TTC27: variants seen among roughly 807,000 people sequenced by gnomAD.
TTC27 encodes tetratricopeptide repeat protein 27.
Under a neutral mutation model 115.9 loss-of-function variants are expected in TTC27, and 79 were observed. The observed-to-expected ratio is 0.68, with a 90% CI of 0.57 to 0.82. TTC27 has a LOEUF of 0.82. Ranked by LOEUF, TTC27 falls within the 40% of genes least tolerant of loss-of-function variation. TTC27 has a pLI of 0.00. For missense variants in TTC27, 1,054 were observed against 993.1 expected, an observed-to-expected ratio of 1.06 and a Z score of -0.82; for synonymous variants, 401 against 356.0, an observed-to-expected ratio of 1.13 and a Z score of -1.42.
intron 9 of TTC27, among the ~76,000 whole-genome samples, chr2:32,684,121 G>A (rs1194715348): frequency 7.9e-5 from 12 of 152,152 alleles, no homozygotes; most frequent in Admixed American, 7.9e-4. Flanking sequence ...TCACGCCACT[G>A]CACCCCAGGC....
At chr2:32,667,342 C>A (rs182616062) in intron 7 of TTC27, among the ~76,000 whole-genome samples, 66 of 151,664 alleles carry the variant, frequency 4.4e-4, no homozygotes, top group Non-Finnish European at 8.8e-4. Context: ...TAATTATAGT[C>A]CACTCCAGCT....
chr2:32,684,891 GA>G (rs890766101), intron 9 of TTC27, among the ~76,000 whole-genome samples: 71 of 91,262 alleles, frequency 7.8e-4, no homozygotes, highest in African/African-American at 2.9e-3. Flanking sequence ...CTGGTGAAAA[GA>G]AAACATAAAC....
At chr2:32,728,515 A>T (rs1440340037) in intron 10 of TTC27, among the ~76,000 whole-genome samples, 2 of 152,288 alleles carry the variant, frequency 1.3e-5, no homozygotes, top group East Asian at 3.9e-4. Context: ...CCTGTCTCCC[A>T]TATTTTTGGA....
At chr2:32,720,663 A>T (rs1327571083) in intron 10 of TTC27, among the ~76,000 whole-genome samples, 3 of 152,230 alleles carry the variant, frequency 2.0e-5, no homozygotes, top group Non-Finnish European at 4.4e-5. Flanking sequence ...CCTAAAAAAT[A>T]GTGAATTAAT....
chr2:32,793,931 T>G (rs1300121301), intron 16 of TTC27, among the ~76,000 whole-genome samples: 1 of 152,192 alleles, frequency 6.6e-6, no homozygotes, highest in African/African-American at 2.4e-5. Flanking sequence ...TGTAACTTTG[T>G]TTTGTAGCTC....
intron 15 of TTC27, among the ~76,000 whole-genome samples, chr2:32,783,508 T>A (rs146109366): frequency 1.3e-5 from 2 of 152,384 alleles, no homozygotes; most frequent in African/African-American, 4.8e-5. Context: ...CTGCATCTTC[T>A]GATTATTTGA....
At chr2:32,756,978 T>C (rs953528708) in intron 12 of TTC27, among the ~76,000 whole-genome samples, 4 of 152,160 alleles carry the variant, frequency 2.6e-5, no homozygotes, top group Non-Finnish European at 4.4e-5. Context: ...TGTGGACATA[T>C]GAGAATAATG....
At chr2:32,780,829 C>A (rs2148015598) in intron 14 of TTC27, among the ~76,000 whole-genome samples, 1 of 145,560 alleles carries the variant, frequency 6.9e-6, no homozygotes, top group South Asian at 2.2e-4. Flanking sequence ...TTGCTGAGCT[C>A]ATTTATTACT....
rs952815360 is a variant in TTC27 at position 32,789,827 on chromosome 2, G to C, written c.1998+2678G>C. Among the ~76,000 whole-genome samples the C allele has an allele frequency of 2.0e-5, 3 of 150,524 alleles. No individual in the cohort carries two copies. The East Asian group carries it at 5.9e-4, about 29-fold the overall frequency. ...TGTGGCTACTCGGGAGGCTGAGGTG[G>C]GAGGGTTCCCTGAGGCTGGAGAGGT... is the stretch of plus-strand genomic sequence containing the variant. On this transcript the variant is annotated intron_variant, in intron 16 of 19. Transcript: ENST00000317907.
intron 3 of TTC27, among the ~76,000 whole-genome samples, chr2:32,636,581 A>C (rs1664437970): frequency 6.6e-6 from 1 of 152,194 alleles, no homozygotes; most frequent in Admixed American, 6.5e-5. Flanking sequence ...AAAAGACTGA[A>C]GCTCAGAGTG....
At chr2:32,768,882 T>C (rs1005813744) in intron 13 of TTC27, among the ~76,000 whole-genome samples, 3 of 152,194 alleles carry the variant, frequency 2.0e-5, no homozygotes, top group East Asian at 1.9e-4. Flanking sequence ...AATGTCTCTA[T>C]TGATAGCCAT....
At chr2:32,753,085 G>A (rs1246019928) in intron 12 of TTC27, among the ~76,000 whole-genome samples, 2 of 152,094 alleles carry the variant, frequency 1.3e-5, no homozygotes, top group East Asian at 3.9e-4. Context: ...GCTGGGTCTC[G>A]GACACTTGGG....
chr2:32,628,187 G>T lies in TTC27; in HGVS notation c.-106G>T, dbSNP rs2063523749. 9.8e-7 allele frequency: 1 copy of T among 1,024,388 alleles called. No homozygotes were observed. Among genetic ancestry groups the T allele is most frequent in the Non-Finnish European group, 1.5e-6 (1 of 679,580 alleles). The allele number at this position is 1,024,388 out of a possible 1,614,324, so 63.5% of individuals were successfully genotyped here. A position where few individuals can be genotyped will look rare whatever the true frequency, so the allele number is the denominator to read the frequency against. On this transcript the variant is annotated 5_prime_UTR_variant, in exon 1 of 20. Transcript: ENST00000317907. ...CGCAGGTGTATTTACGGTAACTGTCGCCACTAGATTTCAGCGCCTTTGGAC... is the reference window on the plus strand; with the variant it reads ...CGCAGGTGTATTTACGGTAACTGTCTCCACTAGATTTCAGCGCCTTTGGAC...
chr2:32,773,007 C>G (rs1669880420), intron 13 of TTC27, among the ~76,000 whole-genome samples: 2 of 152,160 alleles, frequency 1.3e-5, no homozygotes, highest in South Asian at 4.1e-4. Context: ...CTCTATCACA[C>G]TCTAGGGGAC....
intron 9 of TTC27, among the ~76,000 whole-genome samples, chr2:32,697,354 C>T (rs1327681956): frequency 1.3e-5 from 2 of 152,156 alleles, no homozygotes; most frequent in Admixed American, 1.3e-4. Context: ...TGTAAGACAC[C>T]ATTCCAAATC....
At position 32,646,222 on chromosome 2, in the gene TTC27, G is replaced by T. The variant is rs557959531; in HGVS notation, c.538-3909G>T. ...TTTTTGCATTTTTAGTAGAGACGGGGTTTCACCATGTTAGCCCAGATGGTC... is the reference window on the plus strand; with the variant it reads ...TTTTTGCATTTTTAGTAGAGACGGGTTTTCACCATGTTAGCCCAGATGGTC... On this transcript the variant is annotated intron_variant, in intron 4 of 19. Coordinates refer to ENST00000317907, the MANE Select transcript of TTC27 (RefSeq NM_017735.5). Among the ~76,000 whole-genome samples, 68 of 149,366 alleles carry T rather than the reference G, an allele frequency of 4.6e-4. No individual in the cohort carries two copies. In the East Asian group the frequency reaches 0.012, roughly 27 times the overall value.
chr2:32,685,946 A>G (rs10432655), intron 9 of TTC27, among the ~76,000 whole-genome samples: 29,012 of 152,210 alleles, frequency 0.19, 3,282 homozygotes, highest in South Asian at 0.36. Context: ...TGACATGTTT[A>G]TGTCATAGAA....
intron 13 of TTC27, among the ~76,000 whole-genome samples, chr2:32,773,009 C>T (rs1373256236): frequency 6.6e-6 from 1 of 152,216 alleles, no homozygotes; most frequent in Admixed American, 6.5e-5. Context: ...CTATCACACT[C>T]TAGGGGACTT....
intron 8 of TTC27, among the ~76,000 whole-genome samples, chr2:32,678,271 AAAG>A (rs1666287470): frequency 6.6e-6 from 1 of 151,814 alleles, no homozygotes; most frequent in Non-Finnish European, 1.5e-5. Flanking sequence ...AAAAAAAAAA[AAAG>A]ATAAATTATG....
Sources: gnomAD v4.1 joint callset for allele counts (sites outside exome capture counted in the v4.1 genomes callset) on GRCh38, gnomAD v4.1.1 for gene constraint, MANE v1.5 for transcripts, NCBI Gene and HGNC (gene_info 2026-07-23, HGNC 2026-07-21) for gene names.